Variants in DHX34 observed in about 807,000 individuals in gnomAD.
DHX34 encodes the protein probable ATP-dependent RNA helicase DHX34.
DHX34 carries 96 observed loss-of-function variants against 111.1 expected under a neutral mutation model. The observed-to-expected ratio is 0.86, with a 90% CI of 0.73 to 1.02. The LOEUF is 1.02. Ranked by LOEUF, DHX34 falls within the 50% of genes least tolerant of loss-of-function variation. The pLI, the probability that DHX34 is intolerant of heterozygous loss-of-function variation, is 0.00. For missense variants in DHX34, 1,560 were observed against 1,579.9 expected (o/e 0.99, Z 0.21); for synonymous variants, 688 against 670.4 (o/e 1.03, Z -0.41).
At chr19:47,362,738 A>G (rs759760639) in intron 6 of DHX34, 45 bp downstream of exon 6, 6 of 1,526,288 alleles carry the variant, frequency 3.9e-6, no homozygotes, top group South Asian at 1.3e-5. Flanking sequence ...CTGCTGGCAC[A>G]GGGAGGAACC....
At chr19:47,363,284 T>C (rs1969690699) in intron 6 of DHX34, among the ~76,000 whole-genome samples, 1 of 151,754 alleles carries the variant, frequency 6.6e-6, no homozygotes. Flanking sequence ...AGAGATCAGG[T>C]CTTGCTATGT....
At chr19:47,352,039 C>T (rs1427643686) in intron 1 of DHX34, among the ~76,000 whole-genome samples, 1 of 152,206 alleles carries the variant, frequency 6.6e-6, no homozygotes, top group Non-Finnish European at 1.5e-5. Flanking sequence ...TTATTCTTTT[C>T]ATTATATCAC....
At position 47,353,395 on chromosome 19, in the gene DHX34, G is replaced by A; in HGVS notation, c.365G>A (p.Gly122Asp). The change falls in exon 2 of 17, where the codon GGC (glycine) becomes GAC (aspartate). Residue 122 changes from glycine to aspartate, a missense_variant. Gly to Asp is a moderately conservative substitution (Grantham distance 94). Transcript: ENST00000328771. This position sits in a 1 kb window ranked among gnomAD's most constrained non-coding sequence, Gnocchi z 4.6. Reference protein sequence around the residue: ...GPATRGSQGLGRHLPAERVAE... With the variant: ...GPATRGSQGLDRHLPAERVAE... ...GCCACGCGGGGCTCTCAGGGACTGG[G>A]CAGGCACTTGCCCGCGGAGAGAGTG... is the stretch of plus-strand genomic sequence containing the variant. 6.2e-7 allele frequency: 1 copy of A among 1,614,178 alleles called. No individual in the cohort carries two copies. The highest frequency in any genetic ancestry group is 8.5e-7 in the Non-Finnish European group (1 of 1,180,036).
chr19:47,361,767 C>T (rs1401674824), intron 5 of DHX34, among the ~76,000 whole-genome samples: 2 of 151,978 alleles, frequency 1.3e-5, no homozygotes, highest in Non-Finnish European at 2.9e-5. Flanking sequence ...AGTGAAACTC[C>T]ATCTCAAAAA....
rs780165206 is a variant in DHX34, at chr19:47,376,396, GGA to G, written c.2482-41_2482-40del. ...GTGGAGGAGAGGCATCCTGGGCAGA[GGA>G]GAGAGCAGATAGGAGGGCTTGTGCT... On this transcript the variant is annotated intron_variant, in intron 11 of 16. Coordinates refer to ENST00000328771, the MANE Select transcript of DHX34 (RefSeq NM_014681.6). 6 of 1,582,518 alleles carry G rather than the reference GGA, an allele frequency of 3.8e-6. No individual in the cohort carries two copies. The African/African-American group carries it at 5.4e-5, about 14-fold the overall frequency.
chr19:47,366,176 T>C (rs1969780259), intron 6 of DHX34, among the ~76,000 whole-genome samples: 1 of 152,166 alleles, frequency 6.6e-6, no homozygotes, highest in South Asian at 2.1e-4. Context: ...GTGCCTCTCC[T>C]CCATGGTCTG....
chr19:47,372,583 C>A (rs976867427), intron 7 of DHX34, 147 bp from the exon 8 acceptor site: 23 of 1,396,788 alleles, frequency 1.6e-5, no homozygotes, highest in South Asian at 3.3e-5. Flanking sequence ...GGGTTTGAAT[C>A]TCCATCTGGG....
At position 47,353,676 on chromosome 19, in the gene DHX34, G is replaced by T. The variant is rs1372120789; in HGVS notation, c.646G>T (p.Ala216Ser). 3 of 1,611,878 alleles carry T rather than the reference G, an allele frequency of 1.9e-6. No individual in the cohort carries two copies. The highest frequency in any genetic ancestry group is 2.5e-6 in the Non-Finnish European group (3 of 1,179,306). The change falls in exon 2 of 17, where the codon GCC becomes TCC. Residue 216 changes from alanine to serine, a missense_variant. By Grantham distance (99) the Ala-to-Ser change is moderately conservative. Transcript: ENST00000328771. This position sits in a 1 kb window ranked among gnomAD's most constrained non-coding sequence, Gnocchi z 4.6. ...HVACTQPRRI[A>S]CISLAKRVGF... ...GGCGTGCACCCAGCCCCGGCGGATC[G>T]CCTGCATCTCACTGGCCAAGCGTGT...
chr19:47,366,983 G>T lies in DHX34; in HGVS notation c.1596G>T (p.Met532Ile), dbSNP rs959005949. Residue 532 changes from methionine (M) to isoleucine (I), a missense_variant and splice_region_variant, in exon 7 of 17, where the codon ATG becomes ATT. Met to Ile is a conservative substitution (Grantham distance 10). Transcript: ENST00000328771. Reference sequence around the variant, plus strand: ...GGGGGTTTTGCTTCTCATTCTAGATGAAGAGCATGAGTGTGGGGGACCCCC... The same window carrying T: ...GGGGGTTTTGCTTCTCATTCTAGATTAAGAGCATGAGTGTGGGGGACCCCC... The part of the protein sequence containing the change: ...RVALDSLVLQ[M>I]KSMSVGDPRT... The T allele has an allele frequency of 1.5e-5, 24 of 1,550,088 alleles. No homozygotes were observed. Among genetic ancestry groups the T allele is most frequent in the East Asian group, 2.3e-5 (1 of 43,162 alleles).
chr19:47,357,587 T>C (rs1285891311), intron 3 of DHX34, among the ~76,000 whole-genome samples: 4 of 152,252 alleles, frequency 2.6e-5, no homozygotes, highest in Admixed American at 2.0e-4. Context: ...TATCCTACGA[T>C]GCACAGGACA....
chr19:47,378,525 T>C (rs1390752936), intron 13 of DHX34, among the ~76,000 whole-genome samples: 2 of 152,156 alleles, frequency 1.3e-5, no homozygotes, highest in South Asian at 4.1e-4. Flanking sequence ...AGGCGCTCTC[T>C]CCCTGCACTG....
rs1970394534 is a variant in DHX34, at chr19:47,382,336, TC to T, written c.*227del. 3 of 767,320 alleles carry T rather than the reference TC, an allele frequency of 3.9e-6. No individual in the cohort carries two copies. The highest frequency in any genetic ancestry group is 3.3e-5 in the Admixed American group (1 of 30,216). 47.5% of individuals were successfully genotyped at this position (767,320 alleles called of 1,614,324 possible). On this transcript the variant is annotated 3_prime_UTR_variant, in exon 17 of 17. Coordinates refer to ENST00000328771, the MANE Select transcript of DHX34 (RefSeq NM_014681.6). The stretch of plus-strand genomic sequence containing the variant: ...AAAGCAGCAGCTGCCTTGTTAGTCC[TC>T]CCCAGGGTCTAGCTTTCCTTCTTCC...
chr19:47,360,095 C>A (rs1443979422), intron 5 of DHX34, 25 bp downstream of exon 5: 5 of 1,610,588 alleles, frequency 3.1e-6, no homozygotes, highest in Non-Finnish European at 3.4e-6. Flanking sequence ...GAGCCCCTAC[C>A]CACCACCCCC....
rs1315419962 is a variant in DHX34, at chr19:47,352,759, A to G, written c.-272A>G. ...CTTCTGTTCTCTCTCTTAAGAATCC[A>G]GGGCCTGAAAACCCAGAATGAACTT... is the stretch of plus-strand genomic sequence containing the variant. On this transcript the variant is annotated 5_prime_UTR_variant, in exon 2 of 17. Transcript: ENST00000328771. 4.1e-6 allele frequency: 2 copies of G among 492,138 alleles called. No individual in the cohort carries two copies. The highest frequency in any genetic ancestry group is 7.0e-6 in the Non-Finnish European group (2 of 284,160). The allele number at this position is 492,138 out of a possible 1,614,324, so 30.5% of individuals were successfully genotyped here. A position where few individuals can be genotyped will look rare whatever the true frequency, so the allele number is the denominator to read the frequency against.
intron 7 of DHX34, 72 bp downstream of exon 7, chr19:47,367,227 G>T (rs1969819565): frequency 3.0e-6 from 4 of 1,331,716 alleles, no homozygotes; most frequent in Non-Finnish European, 3.9e-6. Context: ...CTCTCTGAGT[G>T]GCCTGGGGGC....
chr19:47,355,904 C>A (rs1228568690), intron 3 of DHX34, among the ~76,000 whole-genome samples: 2 of 151,976 alleles, frequency 1.3e-5, no homozygotes, highest in Non-Finnish European at 2.9e-5. Context: ...AAGTTTATTT[C>A]TCTCATATAA....
chr19:47,352,002 C>T (rs1369385498), intron 1 of DHX34, among the ~76,000 whole-genome samples: 2 of 152,222 alleles, frequency 1.3e-5, no homozygotes, highest in African/African-American at 2.4e-5. Context: ...CTGAATCTCA[C>T]TGGACCCCGG....
rs1044087764 is a variant in DHX34 at position 47,375,684 on chromosome 19, G to A, written c.2283G>A (p.Gly761=). The stretch of plus-strand genomic sequence containing the variant: ...ACAGGGCTGGCCCAGCCCCCCCAGG[G>A]GCCAGTGATGGCGTGGACATCCAGG... ...DEDRAGPAPP[G]ASDGVDIQDV... is the part of the protein sequence containing the mutation. The change falls in exon 10 of 17, where the codon GGG becomes GGA. Residue 761 remains glycine (G), a synonymous_variant. Coordinates refer to ENST00000328771, the MANE Select transcript of DHX34 (RefSeq NM_014681.6). 7.1e-6 allele frequency: 11 copies of A among 1,557,368 alleles called. No individual in the cohort carries two copies. Among genetic ancestry groups the A allele is most frequent in the Non-Finnish European group, 8.7e-6 (10 of 1,155,666 alleles).
chr19:47,362,415 G>A (rs191810019), intron 5 of DHX34, 61 bp from the exon 6 acceptor site: 193 of 1,441,290 alleles, frequency 1.3e-4, no homozygotes, highest in Admixed American at 5.8e-4. Flanking sequence ...AGAGCCAGGC[G>A]CGTGGCCAGC....
Sources: gnomAD v4.1 joint callset for allele counts (sites outside exome capture counted in the v4.1 genomes callset) on GRCh38, gnomAD v4.1.1 for gene constraint, Gnocchi (gnomAD v3.1) non-coding constraint, MANE v1.5 for transcripts, NCBI Gene and HGNC (gene_info 2026-07-23, HGNC 2026-07-21) for gene names.